CELF6: variants seen among roughly 807,000 people sequenced by gnomAD.
The protein encoded by CELF6 is Bruno -like 6, RNA binding protein.
Under a neutral mutation model 53.1 loss-of-function variants are expected in CELF6, and 32 were observed. That is an observed-to-expected ratio of 0.60 (90% CI 0.46 to 0.81). The LOEUF is 0.81. CELF6 is among the 30% of genes least tolerant of loss of function. CELF6 has a pLI of 0.00. For synonymous variants in CELF6, 291 were observed against 288.8 expected (o/e 1.01, Z -0.08); for missense variants, 539 against 669.5 (o/e 0.81, Z 2.15).
chr15:72,294,060 C>A (rs2141188860), intron 3 of CELF6, among the ~76,000 whole-genome samples: 1 of 152,250 alleles, frequency 6.6e-6, no homozygotes, highest in Non-Finnish European at 1.5e-5. Flanking sequence ...ATGAAGCTGC[C>A]TTGTGCAGCT....
chr15:72,311,789 T>C (rs780948089), intron 2 of CELF6, among the ~76,000 whole-genome samples: 1 of 152,208 alleles, frequency 6.6e-6, no homozygotes, highest in Non-Finnish European at 1.5e-5. Flanking sequence ...TGCCTTTCTG[T>C]AAATTATAAA....
intron 3 of CELF6, among the ~76,000 whole-genome samples, chr15:72,298,637 T>A (rs1429893480): frequency 6.6e-6 from 1 of 152,234 alleles, no homozygotes; most frequent in African/African-American, 2.4e-5. Flanking sequence ...ATTTATGTAT[T>A]GATTCTATGC....
rs767694867 is a variant in CELF6 at position 72,288,447 on chromosome 15, G to A, written c.1179C>T (p.Pro393=). Residue 393 remains proline (P), a synonymous_variant, in exon 11 of 13, where the codon CCC becomes CCT. Coordinates refer to ENST00000287202, the MANE Select transcript of CELF6 (RefSeq NM_052840.5). This position sits in a 1 kb window ranked among gnomAD's most constrained non-coding sequence, Gnocchi z 4.6. ...GATAGATGAAGAGGTTACAGCCTTCGGGGCCTGGAGGAACAGTAGCAAGCT... is the reference window on the plus strand; with the variant it reads ...GATAGATGAAGAGGTTACAGCCTTCAGGGCCTGGAGGAACAGTAGCAAGCT... The part of the protein sequence containing the change: ...SALPQQQREG[P]EGCNLFIYHL... The A allele has an allele frequency of 7.4e-6, 12 of 1,614,102 alleles. 1 individual carries two copies. The highest frequency in any genetic ancestry group is 2.2e-5 in the East Asian group (1 of 44,884).
chr15:72,291,421 G>A (rs1452392702), intron 3 of CELF6, among the ~76,000 whole-genome samples: 1 of 152,174 alleles, frequency 6.6e-6, no homozygotes, highest in African/African-American at 2.4e-5. Flanking sequence ...TGGGAGAGAA[G>A]GAGTGGGTAG....
chr15:72,289,473 G>A lies in CELF6; in HGVS notation c.782C>T (p.Ala261Val). The change falls in exon 7 of 13, where the codon GCA becomes GTA. Residue 261 changes from alanine to valine, a missense_variant. Coordinates refer to ENST00000287202, the MANE Select transcript of CELF6 (RefSeq NM_052840.5). The surrounding 1 kb of genome is among the most constrained non-coding windows in gnomAD (Gnocchi z 7.6). ...CACCGGGCCTAGGCCTGGGCCCTGT[G>A]CCGCCGCCAGCAGGGCCGCCTGGTG... ...LQHQAALLAA[A>V]QGPGLGPVAA... 1 of 1,531,178 alleles carries A rather than the reference G, an allele frequency of 6.5e-7. No individual in the cohort carries two copies. Among genetic ancestry groups the A allele is most frequent in the Non-Finnish European group, 8.7e-7 (1 of 1,144,570 alleles). The allele number at this position is 1,531,178 out of a possible 1,614,324, so 94.8% of individuals were successfully genotyped here. A position where few individuals can be genotyped will look rare whatever the true frequency, so the allele number is the denominator to read the frequency against.
At chr15:72,316,952 G>A (rs967683013) in intron 1 of CELF6, among the ~76,000 whole-genome samples, 41 of 152,210 alleles carry the variant, frequency 2.7e-4, no homozygotes, top group Admixed American at 2.2e-3. Context: ...CTGAGTCCTC[G>A]AGAACAAGAA....
At chr15:72,301,694 AC>A (rs2141196319) in intron 3 of CELF6, among the ~76,000 whole-genome samples, 1 of 151,728 alleles carries the variant, frequency 6.6e-6, no homozygotes, top group East Asian at 1.9e-4. Flanking sequence ...GCCAAATGTT[AC>A]ATTTTAAAAG....
intron 3 of CELF6, among the ~76,000 whole-genome samples, 195 bp downstream of exon 3, chr15:72,304,551 G>A (rs1376810622): frequency 6.6e-6 from 1 of 152,032 alleles, no homozygotes; most frequent in Non-Finnish European, 1.5e-5. Flanking sequence ...CTGGGCCTGG[G>A]CTCCCCAGAA....
At position 72,289,088 on chromosome 15, in the gene CELF6, C is replaced by G. The variant is rs764662948; in HGVS notation, c.1030+50G>C. The G allele has an allele frequency of 7.0e-7, 1 of 1,422,386 alleles. No individual in the cohort carries two copies. Among genetic ancestry groups the G allele is most frequent in the African/African-American group, 1.4e-5 (1 of 70,098 alleles). 88.1% of individuals were successfully genotyped at this position (1,422,386 alleles called of 1,614,324 possible). A position where few individuals can be genotyped will look rare whatever the true frequency, so the allele number is the denominator to read the frequency against. On this transcript the variant is annotated intron_variant, in intron 8 of 12. Transcript: ENST00000287202. This position sits in a 1 kb window ranked among gnomAD's most constrained non-coding sequence, Gnocchi z 7.6. ...GAAGCCAGGCCCTAACCCCCCACCC[C>G]CCGCTCCCCACTCCATTTCGGGGGG...
rs746140894 is a variant in CELF6, at chr15:72,287,248, TG to T, written c.*16del. 2 of 1,612,968 alleles carry T rather than the reference TG, an allele frequency of 1.2e-6. No individual in the cohort carries two copies. Among genetic ancestry groups the T allele is most frequent in the Non-Finnish European group, 1.7e-6 (2 of 1,179,412 alleles). On this transcript the variant is annotated 3_prime_UTR_variant, in exon 12 of 13. Coordinates refer to ENST00000287202, the MANE Select transcript of CELF6 (RefSeq NM_052840.5). ...CATCAGGGACTCACCTTTCTGTGGC[TG>T]GTCAGTGAAAGCAGGTCAGTAAGGC...
Position 72,285,128 on chromosome 15 carries a change from A to G in CELF6, c.*1243T>C, listed in dbSNP as rs1170383666. ...AGAGCACACACCACTTCTAAGCTCAACACTGCTCACCAACTAGAAGCACCT... is the reference window on the plus strand; with the variant it reads ...AGAGCACACACCACTTCTAAGCTCAGCACTGCTCACCAACTAGAAGCACCT... On this transcript the variant is annotated 3_prime_UTR_variant, in exon 13 of 13. Coordinates refer to ENST00000287202, the MANE Select transcript of CELF6 (RefSeq NM_052840.5). The G allele has an allele frequency of 6.5e-6, 1 of 152,736 alleles. No individual in the cohort carries two copies. The highest frequency in any genetic ancestry group is 2.4e-5 in the African/African-American group (1 of 41,462). The allele number at this position is 152,736 out of a possible 1,614,324, so 9.5% of individuals were successfully genotyped here. A position where few individuals can be genotyped will look rare whatever the true frequency, so the allele number is the denominator to read the frequency against.
At chr15:72,307,817 T>C (rs2088249590) in intron 2 of CELF6, among the ~76,000 whole-genome samples, 1 of 152,188 alleles carries the variant, frequency 6.6e-6, no homozygotes, top group Non-Finnish European at 1.5e-5. Flanking sequence ...AGAGGTTGAC[T>C]GAGGAAAGCT....
At chr15:72,314,109 C>T (rs1388316727) in intron 2 of CELF6, among the ~76,000 whole-genome samples, 8 of 152,178 alleles carry the variant, frequency 5.3e-5, no homozygotes. Flanking sequence ...TTACTTGGCA[C>T]TTAGTCCCCA....
At chr15:72,303,035 T>C (rs1212100866) in intron 3 of CELF6, among the ~76,000 whole-genome samples, 1 of 152,232 alleles carries the variant, frequency 6.6e-6, no homozygotes, top group Non-Finnish European at 1.5e-5. Context: ...TCTGCTTTGC[T>C]CACATCTGTA....
At chr15:72,300,813 G>A (rs1422615529) in intron 3 of CELF6, among the ~76,000 whole-genome samples, 6 of 151,296 alleles carry the variant, frequency 4.0e-5, no homozygotes, top group Non-Finnish European at 7.4e-5. Context: ...CAGCCTGGGC[G>A]ACAGAGTGAA....
Position 72,290,150 on chromosome 15 carries a change from C to T in CELF6, c.500G>A (p.Arg167Gln), listed in dbSNP as rs1306693072. ...ACCTTTACTGGTGCCGTCAGGACTC[C>T]GCAGGACCGTGCACTCCTCGATGTG... is the stretch of plus-strand genomic sequence containing the variant. ...FGHIEECTVL[R>Q]SPDGTSKGCA... is the part of the protein sequence containing the mutation. Residue 167 changes from arginine (R) to glutamine (Q), a missense_variant, in exon 4 of 13, where the codon CGG (arginine) becomes CAG (glutamine). By Grantham distance (43) the Arg-to-Gln change is conservative. This residue lies in a region of CELF6 where 97 missense variants were observed against 168.8 expected (regional missense o/e 0.57). Coordinates refer to ENST00000287202, the MANE Select transcript of CELF6 (RefSeq NM_052840.5). 16 of 1,613,834 alleles carry T rather than the reference C, an allele frequency of 9.9e-6. No homozygotes were observed. The highest frequency in any genetic ancestry group is 1.3e-5 in the African/African-American group (1 of 74,904).
chr15:72,285,821 A>C lies in CELF6; in HGVS notation c.*550T>G, dbSNP rs985155070. ...TGGCTTAAGAGGGAATGAGACACAG[A>C]ACAATCTTTCCACAGCCCCCATCTG... On this transcript the variant is annotated 3_prime_UTR_variant, in exon 13 of 13. Coordinates refer to ENST00000287202, the MANE Select transcript of CELF6 (RefSeq NM_052840.5). The C allele has an allele frequency of 6.6e-6, 1 of 152,556 alleles. No individual in the cohort carries two copies. Among genetic ancestry groups the C allele is most frequent in the African/African-American group, 2.4e-5 (1 of 41,428 alleles). The allele number at this position is 152,556 out of a possible 1,614,324, so 9.5% of individuals were successfully genotyped here.
intron 3 of CELF6, among the ~76,000 whole-genome samples, chr15:72,299,256 C>T (rs1457592902): frequency 7.9e-5 from 12 of 151,698 alleles, no homozygotes; most frequent in Admixed American, 2.6e-4. Flanking sequence ...CAAAACAACA[C>T]AACAACAACA....
Position 72,320,049 on chromosome 15 carries a change from G to A in CELF6, c.-175C>T, listed in dbSNP as rs1266840741. ...GGGCGTAGAGGGGGTGGGGCGGGCA[G>A]GAAAGGGGCGGGGCCGGGGCGGGGC... On this transcript the variant is annotated 5_prime_UTR_variant, in exon 1 of 13. Coordinates refer to ENST00000287202, the MANE Select transcript of CELF6 (RefSeq NM_052840.5). 1 of 428,762 alleles carries A rather than the reference G, an allele frequency of 2.3e-6. No individual in the cohort carries two copies. The highest frequency in any genetic ancestry group is 8.1e-5 in the East Asian group (1 of 12,318). 26.6% of individuals were successfully genotyped at this position (428,762 alleles called of 1,614,324 possible). A position where few individuals can be genotyped will look rare whatever the true frequency, so the allele number is the denominator to read the frequency against.
Sources: allele counts gnomAD v4.1 joint callset (sites outside exome capture counted in the v4.1 genomes callset), GRCh38; gene constraint gnomAD v4.1.1; regional missense constraint gnomAD v4.1.1; non-coding constraint Gnocchi (gnomAD v3.1); transcripts MANE v1.5; gene names NCBI Gene and HGNC (gene_info 2026-07-23, HGNC 2026-07-21).